GSE1: variants seen among roughly 807,000 people sequenced by gnomAD.
GSE1 encodes Gse1 coiled-coil protein.
Under a neutral mutation model 112.6 loss-of-function variants are expected in GSE1, and 32 were observed. The observed-to-expected ratio is 0.28, with a 90% confidence interval of 0.21 to 0.38. The LOEUF (loss-of-function observed/expected upper bound fraction) is 0.38. GSE1 is among the 10% of genes least tolerant of loss of function. The pLI, the probability that GSE1 is intolerant of heterozygous loss-of-function variation, is 1.00. For synonymous variants in GSE1, 1,115 were observed against 735.6 expected, an observed-to-expected ratio of 1.52 and a Z score of -8.35; for missense variants, 2,348 against 1,699.2, an observed-to-expected ratio of 1.38 and a Z score of -6.71.
At chr16:85,345,300 G>C (rs912118702) in intron 1 of GSE1, among the ~76,000 whole-genome samples, 1 of 152,198 alleles carries the variant, frequency 6.6e-6, no homozygotes, top group Admixed American at 6.5e-5. Context: ...AGTTTTATTG[G>C]AACAGCCACA....
At chr16:85,372,910 G>A (rs75634657) in intron 2 of GSE1, among the ~76,000 whole-genome samples, 16 of 152,318 alleles carry the variant, frequency 1.1e-4, no homozygotes, top group Admixed American at 7.8e-4. Flanking sequence ...GCTGACGGTC[G>A]TCCCGCCAGT....
chr16:85,656,919 G>A (rs1369912369), intron 7 of GSE1, among the ~76,000 whole-genome samples: 6 of 152,240 alleles, frequency 3.9e-5, no homozygotes, highest in Non-Finnish European at 7.3e-5. Context: ...TGTTTTGAGT[G>A]CTTCGTTGAT....
At chr16:85,280,104 C>T (rs2044813286) in intron 1 of GSE1, among the ~76,000 whole-genome samples, 1 of 152,230 alleles carries the variant, frequency 6.6e-6, no homozygotes, top group Admixed American at 6.5e-5. Flanking sequence ...GTCTGCAGCA[C>T]TCTCTCCAGA....
Position 85,634,112 on chromosome 16 carries a change from A to G in GSE1, c.206A>G (p.Lys69Arg). 2.6e-6 allele frequency: 4 copies of G among 1,556,260 alleles called. No individual in the cohort carries two copies. The highest frequency in any genetic ancestry group is 3.5e-6 in the Non-Finnish European group (4 of 1,156,290). ...SFAAALRKLA[K>R]QAEEPRGSSL... ...GCCGCCGCGCTGCGCAAGCTCGCCAAACAGGCGGAGGAGCCCAGAGGTAAG... is the reference window on the plus strand; with the variant it reads ...GCCGCCGCGCTGCGCAAGCTCGCCAGACAGGCGGAGGAGCCCAGAGGTAAG... The change falls in exon 2 of 16, where the codon AAA becomes AGA. Residue 69 changes from lysine (K) to arginine (R), a missense_variant. Physicochemically the swap from Lys to Arg is conservative, Grantham distance 26. Coordinates refer to ENST00000253458, the MANE Select transcript of GSE1 (RefSeq NM_014615.5).
intron 2 of GSE1, among the ~76,000 whole-genome samples, chr16:85,413,196 G>A (rs1018483071): frequency 1.3e-5 from 2 of 152,208 alleles, no homozygotes; most frequent in African/African-American, 4.8e-5. Context: ...TCCGGGCAGC[G>A]GCCGCTGTGA....
chr16:85,396,189 GC>G (rs2047961306), intron 2 of GSE1, among the ~76,000 whole-genome samples: 1 of 152,182 alleles, frequency 6.6e-6, no homozygotes, highest in South Asian at 2.1e-4. Flanking sequence ...CCTTGCCCCT[GC>G]CCGTCTCCTC....
intron 1 of GSE1, among the ~76,000 whole-genome samples, chr16:85,569,742 C>T (rs373295034): frequency 2.0e-5 from 3 of 152,194 alleles, no homozygotes; most frequent in East Asian, 1.9e-4. Context: ...TCTCAGGAAC[C>T]GAAGAGTTTA....
At chr16:85,391,801 A>G (rs1005204392) in intron 2 of GSE1, among the ~76,000 whole-genome samples, 1 of 152,154 alleles carries the variant, frequency 6.6e-6, no homozygotes, top group African/African-American at 2.4e-5. Flanking sequence ...CCTCACTGGC[A>G]TGTCCCCCAC....
In GSE1 at chr16:85,225,932, G is replaced by T. The variant is rs150064722; in HGVS notation, c.2283+54125G>T. ...GGTCTCATCTGAAGGCTCTGCTGGG[G>T]CTGGGGGATCCACTGGCCGGGTGGC... On this transcript the variant is annotated intron_variant, in intron 1 of 2. Transcript: ENST00000637419. Among the ~76,000 whole-genome samples the T allele has an allele frequency of 6.0e-3, 914 of 152,346 alleles. 4 individuals are homozygous for T. Among genetic ancestry groups the T allele is most frequent in the Non-Finnish European group, 9.2e-3 (624 of 68,042 alleles).
At chr16:85,509,090 C>A (rs1469545685) in intron 2 of GSE1, among the ~76,000 whole-genome samples, 1 of 152,146 alleles carries the variant, frequency 6.6e-6, no homozygotes, top group Non-Finnish European at 1.5e-5. Flanking sequence ...AGAGAAGAAA[C>A]GCTCACCTGG....
At chr16:85,234,191 A>G (rs11149726) in intron 1 of GSE1, among the ~76,000 whole-genome samples, 74,829 of 151,872 alleles carry the variant, frequency 0.49, 18,723 homozygotes, top group African/African-American at 0.56. Flanking sequence ...CCGCCCTCCT[A>G]TATTTGCCCC....
At chr16:85,206,831 C>G (rs1230904085) in intron 1 of GSE1, among the ~76,000 whole-genome samples, 2 of 151,626 alleles carry the variant, frequency 1.3e-5, no homozygotes, top group African/African-American at 4.8e-5. Flanking sequence ...GCCCAGCTTC[C>G]CTGCCCACCG....
At chr16:85,612,209 G>A (rs1003500959), upstream of GSE1, among the ~76,000 whole-genome samples, 1 of 151,124 alleles carries the variant, frequency 6.6e-6, no homozygotes, top group Admixed American at 6.6e-5. Flanking sequence ...TTAACCCCGA[G>A]CTTCCTGGGG....
At chr16:85,209,662 C>T (rs1254193586) in intron 1 of GSE1, among the ~76,000 whole-genome samples, 1 of 152,240 alleles carries the variant, frequency 6.6e-6, no homozygotes, top group Non-Finnish European at 1.5e-5. Context: ...GCTCAGCCCA[C>T]ATTCTGCAAC....
At chr16:85,555,332 C>T (rs1228087993), upstream of GSE1, 2 of 985,202 alleles carry the variant, frequency 2.0e-6, no homozygotes, top group Non-Finnish European at 2.4e-6. Flanking sequence ...CTTTCTCCTC[C>T]TCCTTCCACC....
In GSE1 at chr16:85,349,711, T is replaced by G. The variant is rs570129549; in HGVS notation, c.2284-7752T>G. On this transcript the variant is annotated intron_variant, in intron 1 of 2. Coordinates refer to the GSE1 transcript ENST00000637419. ...TCGGGGCGAAGAGGAGGCGACGCCG[T>G]GTTCTTTTGTGTTGTCAGGATGCTG... is the stretch of plus-strand genomic sequence containing the variant. 1.1e-4 allele frequency among the ~76,000 whole-genome samples: 16 copies of G among 152,262 alleles called. No individual in the cohort carries two copies. In the South Asian group the frequency reaches 3.3e-3, roughly 32 times the overall value.
intron 1 of GSE1, among the ~76,000 whole-genome samples, chr16:85,584,171 CTGTT>C: frequency 8.0e-6 from 1 of 125,118 alleles, no homozygotes; most frequent in East Asian, 1.9e-4. Flanking sequence ...GGGCCCCTGT[CTGTT>C]TGGAGACCTT....
intron 1 of GSE1, among the ~76,000 whole-genome samples, chr16:85,337,972 C>T (rs1228733000): frequency 6.6e-6 from 1 of 152,232 alleles, no homozygotes; most frequent in East Asian, 1.9e-4. Flanking sequence ...TTCTTCCCAC[C>T]TCTGAGCTTT....
rs2048379329 is a variant in GSE1, at chr16:85,408,465, A to G, written c.2464+50822A>G. On this transcript the variant is annotated intron_variant, in intron 2 of 2. Coordinates refer to the GSE1 transcript ENST00000637419. ...CTGTTACACTCAGGGACCCCTGGAT[A>G]ATCCTCACTGTTACTCTCAGGGCAC... Among the ~76,000 whole-genome samples, 3 of 54,774 alleles carry G rather than the reference A, an allele frequency of 5.5e-5. 1 individual carries two copies. Among genetic ancestry groups the G allele is most frequent in the African/African-American group, 8.5e-5 (1 of 11,740 alleles). 35.9% of individuals were successfully genotyped at this position (54,774 alleles called of 152,430 possible).
Sources: allele counts gnomAD v4.1 joint callset (sites outside exome capture counted in the v4.1 genomes callset), GRCh38; gene constraint gnomAD v4.1.1; transcripts MANE v1.5; gene names NCBI Gene and HGNC (gene_info 2026-07-23, HGNC 2026-07-21).